The following NT5E variants were observed in gnomAD, a reference collection of about 807,000 sequenced individuals.
The protein encoded by NT5E is 5'-nucleotidase ecto, also known as 5'-nucleotidase.
In NT5E, 53 loss-of-function variants were observed where a neutral mutation model predicts 55.1. The observed-to-expected ratio is 0.96, with a 90% confidence interval of 0.77 to 1.21. The LOEUF (loss-of-function observed/expected upper bound fraction) is 1.21, where lower values mean the gene tolerates loss of function less well. Ranked by LOEUF, NT5E falls within the 50% of genes most tolerant of loss-of-function variation. The pLI, the probability that NT5E is intolerant of heterozygous loss-of-function variation, is 0.00. For synonymous variants in NT5E, 270 were observed against 278.4 expected (o/e 0.97, Z 0.30); for missense variants, 683 against 724.3 (o/e 0.94, Z 0.65).
chr6:85,462,883 A>T (rs559716555), intron 1 of NT5E, among the ~76,000 whole-genome samples: 5 of 152,122 alleles, frequency 3.3e-5, no homozygotes, highest in African/African-American at 1.2e-4. Flanking sequence ...ACAGCCTGGC[A>T]CTCCAGTAGC....
chr6:85,468,485 G>T (rs1000902664), intron 2 of NT5E, among the ~76,000 whole-genome samples: 2 of 152,212 alleles, frequency 1.3e-5, no homozygotes, highest in Non-Finnish European at 2.9e-5. Context: ...AAGCTAGGAT[G>T]CAGGCTCCAT....
chr6:85,463,601 C>G (rs1239029321), intron 1 of NT5E, among the ~76,000 whole-genome samples: 1 of 152,134 alleles, frequency 6.6e-6, no homozygotes, highest in African/African-American at 2.4e-5. Flanking sequence ...GTTATGATCC[C>G]CTGTATTTCT....
At chr6:85,460,155 T>C (rs1364717062) in intron 1 of NT5E, among the ~76,000 whole-genome samples, 1 of 152,232 alleles carries the variant, frequency 6.6e-6, no homozygotes, top group Non-Finnish European at 1.5e-5. Flanking sequence ...ATTAAACGGG[T>C]ACTCACCCAA....
At chr6:85,457,029 G>T (rs1230051295) in intron 1 of NT5E, among the ~76,000 whole-genome samples, 1 of 152,202 alleles carries the variant, frequency 6.6e-6, no homozygotes, top group African/African-American at 2.4e-5. Context: ...CCTTCTCTTT[G>T]CAGGGGTGGC....
intron 3 of NT5E, among the ~76,000 whole-genome samples, chr6:85,479,299 G>A (rs1769495396): frequency 6.6e-6 from 1 of 152,150 alleles, no homozygotes; most frequent in Non-Finnish European, 1.5e-5. Context: ...AACAGCCTAG[G>A]TATTCTTCAC....
At chr6:85,458,970 G>T (rs1309110974) in intron 1 of NT5E, among the ~76,000 whole-genome samples, 1 of 152,124 alleles carries the variant, frequency 6.6e-6, no homozygotes, top group Non-Finnish European at 1.5e-5. Context: ...ACATTCCTTG[G>T]CCCAGGACTG....
chr6:85,493,627 C>T (rs1769832799), intron 8 of NT5E, among the ~76,000 whole-genome samples: 1 of 152,134 alleles, frequency 6.6e-6, no homozygotes, highest in Non-Finnish European at 1.5e-5. Context: ...CTACTTCCCC[C>T]AATTACCCAA....
intron 1 of NT5E, among the ~76,000 whole-genome samples, chr6:85,454,226 G>C (rs993259767): frequency 1.3e-5 from 2 of 152,216 alleles, no homozygotes; most frequent in African/African-American, 4.8e-5. Context: ...GAGCAGAATT[G>C]CTGGCCACAG....
At position 85,473,830 on chromosome 6, in the gene NT5E, C is replaced by T. The variant is rs1328801972; in HGVS notation, c.751+2405C>T. On this transcript the variant is annotated intron_variant, in intron 3 of 8. Transcript: ENST00000257770. ...ACGTGACCAAAATAATGCATGAACA[C>T]TCAAAGGAGTTTCATCCCTTCATTC... is the stretch of plus-strand genomic sequence containing the variant. Among the ~76,000 whole-genome samples, 3 of 152,204 alleles carry T rather than the reference C, an allele frequency of 2.0e-5. No individual in the cohort carries two copies. The East Asian group carries it at 5.8e-4, about 29-fold the overall frequency.
At chr6:85,465,916 C>A (rs1243625355) in intron 1 of NT5E, among the ~76,000 whole-genome samples, 1 of 152,190 alleles carries the variant, frequency 6.6e-6, no homozygotes, top group Non-Finnish European at 1.5e-5. Context: ...GGTCACCAGC[C>A]AGTACTTCAT....
At chr6:85,475,280 C>T (rs1769407294) in intron 3 of NT5E, among the ~76,000 whole-genome samples, 1 of 152,088 alleles carries the variant, frequency 6.6e-6, no homozygotes, top group African/African-American at 2.4e-5. Flanking sequence ...TGCTGGTTAC[C>T]ACCCATTATA....
chr6:85,490,297 G>T (rs990036171), intron 6 of NT5E, among the ~76,000 whole-genome samples: 1 of 152,174 alleles, frequency 6.6e-6, no homozygotes, highest in African/African-American at 2.4e-5. Context: ...GTGAGCTCCC[G>T]CCATCTTGCC....
Position 85,481,902 on chromosome 6 carries a change from C to G in NT5E, c.752-3333C>G, listed in dbSNP as rs896545807. Among the ~76,000 whole-genome samples the G allele has an allele frequency of 2.0e-5, 3 of 152,162 alleles. No individual in the cohort carries two copies. In the East Asian group the frequency reaches 5.8e-4, roughly 29 times the overall value. On this transcript the variant is annotated intron_variant, in intron 3 of 8. Coordinates refer to ENST00000257770, the MANE Select transcript of NT5E (RefSeq NM_002526.4). Reference sequence around the variant, plus strand: ...GAGTAGAAAGAAGCATAGAAGAGACCTACAGAGACTAGGAAGCTGTCACAG... The same window carrying G: ...GAGTAGAAAGAAGCATAGAAGAGACGTACAGAGACTAGGAAGCTGTCACAG...
At chr6:85,473,553 TAAG>T (rs1390264135) in intron 3 of NT5E, among the ~76,000 whole-genome samples, 3 of 152,262 alleles carry the variant, frequency 2.0e-5, no homozygotes, top group South Asian at 2.1e-4. Flanking sequence ...TGACCCGTAG[TAAG>T]AAGAACATTT....
intron 3 of NT5E, 148 bp from the exon 4 acceptor site, chr6:85,485,087 G>T: frequency 1.3e-6 from 1 of 756,542 alleles, no homozygotes; most frequent in East Asian, 2.7e-5. Context: ...CAAATGCCCA[G>T]ATAGGGCTCT....
intron 1 of NT5E, among the ~76,000 whole-genome samples, chr6:85,462,845 A>G (rs1396026968): frequency 1.3e-5 from 2 of 152,250 alleles, no homozygotes; most frequent in Non-Finnish European, 2.9e-5. Flanking sequence ...GAAACAGGTG[A>G]AAAGCTTAGC....
At chr6:85,460,062 G>C in intron 1 of NT5E, among the ~76,000 whole-genome samples, 1 of 152,234 alleles carries the variant, frequency 6.6e-6, no homozygotes, top group Non-Finnish European at 1.5e-5. Flanking sequence ...AATTACTTCA[G>C]GTAATTATGA....
At chr6:85,488,315 G>T (rs1769707868) in intron 5 of NT5E, among the ~76,000 whole-genome samples, 1 of 152,168 alleles carries the variant, frequency 6.6e-6, no homozygotes, top group South Asian at 2.1e-4. Context: ...GGCATGCATT[G>T]CCCAGTGCCC....
chr6:85,493,790 T>A (rs758307065), intron 8 of NT5E, 51 bp from the exon 9 acceptor site: 1 of 1,502,138 alleles, frequency 6.7e-7, no homozygotes, highest in Non-Finnish European at 9.3e-7. Context: ...ACCTTACTGT[T>A]GATTGATAAT....
Sources: gnomAD v4.1 joint callset for allele counts (sites outside exome capture counted in the v4.1 genomes callset) on GRCh38, gnomAD v4.1.1 for gene constraint, MANE v1.5 for transcripts, NCBI Gene and HGNC (gene_info 2026-07-23, HGNC 2026-07-21) for gene names.